RBM6: variants seen among roughly 807,000 people sequenced by gnomAD.
The protein encoded by RBM6 is RNA binding motif protein 6.
RBM6 carries 23 observed loss-of-function variants against 140.4 expected under a neutral mutation model. The ratio of observed to expected loss-of-function variants is 0.16; its 90% confidence interval spans 0.12 to 0.23. The LOEUF (loss-of-function observed/expected upper bound fraction) is 0.23, where lower values mean the gene tolerates loss of function less well. Ranked by LOEUF, RBM6 falls within the 10% of genes least tolerant of loss-of-function variation. RBM6 has a pLI of 1.00. For missense variants in RBM6, 1,139 were observed against 1,386.7 expected (o/e 0.82, Z 2.84); for synonymous variants, 439 against 475.6 (o/e 0.92, Z 1.00).
At chr3:50,009,214 C>T (rs940823039) in intron 6 of RBM6, among the ~76,000 whole-genome samples, 1 of 152,148 alleles carries the variant, frequency 6.6e-6, no homozygotes, top group South Asian at 2.1e-4. Flanking sequence ...TGGGCTAACA[C>T]CTGTCATGAA....
chr3:49,977,024 A>G (rs2085092398), intron 5 of RBM6, among the ~76,000 whole-genome samples: 2 of 152,192 alleles, frequency 1.3e-5, no homozygotes, highest in African/African-American at 4.8e-5. Context: ...TCTCTATGTG[A>G]CAAATAGGAT....
At chr3:49,998,393 C>A (rs985385218) in intron 5 of RBM6, among the ~76,000 whole-genome samples, 1 of 152,118 alleles carries the variant, frequency 6.6e-6, no homozygotes, top group Non-Finnish European at 1.5e-5. Context: ...CTTTTTCTTG[C>A]GGTTCCATTT....
At chr3:50,058,378 T>C in intron 9 of RBM6, 24 bp from the exon 10 acceptor site, 1 of 1,591,720 alleles carries the variant, frequency 6.3e-7, no homozygotes, top group Non-Finnish European at 8.6e-7. Context: ...TGTGTTGCCC[T>C]TCTCCCATTT....
intron 1 of RBM6, among the ~76,000 whole-genome samples, chr3:49,942,025 G>A (rs907152451): frequency 2.0e-5 from 3 of 151,566 alleles, no homozygotes; most frequent in South Asian, 2.1e-4. Flanking sequence ...CGCTTGAGCC[G>A]GGGAGGTAGA....
At chr3:49,999,552 T>C in intron 6 of RBM6, 39 bp downstream of exon 6, 1 of 1,473,870 alleles carries the variant, frequency 6.8e-7, no homozygotes, top group Non-Finnish European at 9.5e-7. Flanking sequence ...TGGAAGGATA[T>C]ATTTTTTTAT....
At chr3:50,019,553 C>T (rs939061828) in intron 6 of RBM6, among the ~76,000 whole-genome samples, 1 of 152,062 alleles carries the variant, frequency 6.6e-6, no homozygotes, top group African/African-American at 2.4e-5. Context: ...TAGGGTCTCG[C>T]TATGTTGCCA....
chr3:50,031,491 G>A (rs1034315445), intron 6 of RBM6, among the ~76,000 whole-genome samples: 2 of 151,906 alleles, frequency 1.3e-5, no homozygotes, highest in East Asian at 1.9e-4. Flanking sequence ...GCAGAAAACC[G>A]GACACCACAT....
chr3:50,067,186 CAAAA>C (rs751552449), intron 17 of RBM6, among the ~76,000 whole-genome samples: 2 of 19,556 alleles, frequency 1.0e-4, no homozygotes, highest in East Asian at 1.5e-3. Flanking sequence ...GACTCTATCT[CAAAA>C]AAAAAAAAAA....
rs2083660164 is a variant in RBM6, at chr3:49,949,913, G to A, written c.-67+9688G>A. Among the ~76,000 whole-genome samples the A allele has an allele frequency of 2.0e-5, 3 of 152,022 alleles. No individual in the cohort carries two copies. The South Asian group carries it at 6.2e-4, about 31-fold the overall frequency. ...AATTTATGTATTTTTAGTAGAAATGGGGTTTCGCCATATTGGCCAGGCTGG... is the reference window on the plus strand; with the variant it reads ...AATTTATGTATTTTTAGTAGAAATGAGGTTTCGCCATATTGGCCAGGCTGG... On this transcript the variant is annotated intron_variant, in intron 1 of 20. Coordinates refer to ENST00000266022, the MANE Select transcript of RBM6 (RefSeq NM_005777.3).
At chr3:49,983,876 C>T (rs1259965404) in intron 5 of RBM6, among the ~76,000 whole-genome samples, 1 of 152,142 alleles carries the variant, frequency 6.6e-6, no homozygotes. Context: ...TTTGGCTGGC[C>T]TAGGGAAGAA....
intron 18 of RBM6, 72 bp downstream of exon 18, chr3:50,068,836 T>C: frequency 7.5e-7 from 1 of 1,338,808 alleles, no homozygotes; most frequent in Non-Finnish European, 1.1e-6. Flanking sequence ...TCATAGGCTG[T>C]GCTGATCCCT....
chr3:49,972,414 T>A (rs1358489098), intron 4 of RBM6, among the ~76,000 whole-genome samples: 2 of 152,172 alleles, frequency 1.3e-5, no homozygotes, highest in Non-Finnish European at 2.9e-5. Flanking sequence ...TTAAAAAAAA[T>A]TATGACAAAT....
At chr3:49,959,486 G>A (rs941884726) in intron 1 of RBM6, among the ~76,000 whole-genome samples, 1 of 147,814 alleles carries the variant, frequency 6.8e-6, no homozygotes, top group East Asian at 2.0e-4. Flanking sequence ...GGTGTGAGCC[G>A]CCTCGCCCGG....
At chr3:50,012,368 T>C (rs2086890150) in intron 6 of RBM6, among the ~76,000 whole-genome samples, 1 of 151,456 alleles carries the variant, frequency 6.6e-6, no homozygotes, top group East Asian at 1.9e-4. Context: ...TTTTTTTTCT[T>C]TTTTTTTGAG....
chr3:50,048,418 C>A, intron 7 of RBM6, 99 bp downstream of exon 7: 2 of 1,514,270 alleles, frequency 1.3e-6, no homozygotes, highest in South Asian at 2.5e-5. Context: ...TTCCCAAGGA[C>A]AAAGCTCTTC....
intron 6 of RBM6, among the ~76,000 whole-genome samples, chr3:50,016,088 C>G (rs750691563): frequency 3.9e-5 from 6 of 152,188 alleles, no homozygotes; most frequent in Non-Finnish European, 5.9e-5. Flanking sequence ...TCCCGTTCTC[C>G]TCCACCCGCC....
chr3:49,949,957 A>G (rs545109940), intron 1 of RBM6, among the ~76,000 whole-genome samples: 48 of 152,204 alleles, frequency 3.2e-4, no homozygotes, highest in African/African-American at 1.1e-3. Context: ...TCCTGGTCTC[A>G]AGTGATCTGC....
intron 1 of RBM6, among the ~76,000 whole-genome samples, chr3:49,948,983 C>T (rs1045412614): frequency 1.3e-5 from 2 of 150,478 alleles, no homozygotes; most frequent in South Asian, 4.2e-4. Flanking sequence ...GTACCTGCCA[C>T]CACGCCTGGC....
At chr3:50,044,250 G>A (rs2089103656) in intron 6 of RBM6, among the ~76,000 whole-genome samples, 1 of 152,122 alleles carries the variant, frequency 6.6e-6, no homozygotes, top group African/African-American at 2.4e-5. Flanking sequence ...TGCTTGAGTA[G>A]CTTAATAACT....
Sources: allele counts gnomAD v4.1 joint callset (sites outside exome capture counted in the v4.1 genomes callset), GRCh38; gene constraint gnomAD v4.1.1; transcripts MANE v1.5; gene names NCBI Gene and HGNC (gene_info 2026-07-23, HGNC 2026-07-21).